DDX60L: variants seen among roughly 807,000 people sequenced by gnomAD.
The protein encoded by DDX60L is DExD/H-box 60 like.
A neutral mutation model predicts 211.6 loss-of-function variants in DDX60L; 191 were observed. That is an observed-to-expected ratio of 0.90 (90% CI 0.80 to 1.02). The LOEUF (loss-of-function observed/expected upper bound fraction) is 1.02. Among genes scored for constraint, DDX60L ranks in the 50% least tolerant of loss-of-function variants. The pLI, the probability that DDX60L is intolerant of heterozygous loss-of-function variation, is 0.00. For synonymous variants in DDX60L, 706 were observed against 694.1 expected (o/e 1.02, Z -0.27); for missense variants, 2,007 against 1,984.1 (o/e 1.01, Z -0.22).
At position 168,375,513 on chromosome 4, in the gene DDX60L, G is replaced by A. The variant is rs772064650; in HGVS notation, c.4497C>T (p.Ala1499=). ...LSFSQSKVIL[A]ELPEDFKAAL... ...CAGCTTTAAAATCCTCCGGGAGTTC[G>A]GCAAGGATCACCTATGGGCGAAATA... The change falls in exon 34 of 38, where the codon GCC becomes GCT. Residue 1499 remains alanine, a synonymous_variant. Transcript: ENST00000682922. 55 of 1,608,618 alleles carry A rather than the reference G, an allele frequency of 3.4e-5. No individual in the cohort carries two copies. Among genetic ancestry groups the A allele is most frequent in the South Asian group, 2.5e-4 (22 of 89,758 alleles).
intron 8 of DDX60L, 108 bp downstream of exon 8, chr4:168,453,011 CTTGAT>C: frequency 1.8e-6 from 2 of 1,125,216 alleles, no homozygotes; most frequent in Non-Finnish European, 2.4e-6. Flanking sequence ...AAAATAGGAA[CTTGAT>C]TTATCAGCTA....
At chr4:168,423,884 AT>A in intron 14 of DDX60L, 110 bp from the exon 15 acceptor site, 1 of 639,556 alleles carries the variant, frequency 1.6e-6, no homozygotes, top group Non-Finnish European at 2.5e-6. Context: ...AAACCTCACT[AT>A]TTTACTTGAC....
rs1343956015 is a variant in DDX60L, at chr4:168,373,291, C to G, written c.4776+375G>C. Among the ~76,000 whole-genome samples the G allele has an allele frequency of 2.0e-5, 3 of 152,052 alleles. No homozygotes were observed. The South Asian group carries it at 6.2e-4, about 32-fold the overall frequency. The stretch of plus-strand genomic sequence containing the variant: ...AGAGGTTCTAATGCTTTGTGGCCCC[C>G]TTTGTAGACCACTGTCCCCAAAGAT... On this transcript the variant is annotated intron_variant, in intron 35 of 37. Coordinates refer to ENST00000682922, the MANE Select transcript of DDX60L (RefSeq NM_001012967.3).
At position 168,462,000 on chromosome 4, in the gene DDX60L, G is replaced by A; in HGVS notation, c.305C>T (p.Ser102Leu). 1 of 1,610,798 alleles carries A rather than the reference G, an allele frequency of 6.2e-7. No homozygotes were observed. The highest frequency in any genetic ancestry group is 8.5e-7 in the Non-Finnish European group (1 of 1,177,926). The stretch of plus-strand genomic sequence containing the variant: ...GTGGAGAATTAAAGCGGTCCTCAAT[G>A]AAAGAAGTTCAGGAAAATCAAAATA... ...YAYFDFPELL[S>L]LRTALILHLQ... is the part of the protein sequence containing the mutation. The change falls in exon 5 of 38, where the codon TCA becomes TTA. Residue 102 changes from serine (S) to leucine (L), a missense_variant. Ser to Leu is a moderately radical substitution (Grantham distance 145). Transcript: ENST00000682922.
At chr4:168,416,906 A>AAT in intron 19 of DDX60L, 109 bp from the exon 20 acceptor site, 1 of 556,754 alleles carries the variant, frequency 1.8e-6, no homozygotes, top group African/African-American at 1.9e-5. Context: ...AAATGACCTA[A>AAT]CCTAAATAAA....
At chr4:168,464,842 G>A (rs944920711) in intron 4 of DDX60L, among the ~76,000 whole-genome samples, 1 of 152,000 alleles carries the variant, frequency 6.6e-6, no homozygotes, top group Non-Finnish European at 1.5e-5. Flanking sequence ...GTTTTTTATA[G>A]CCAAATAGTA....
rs1406851890 is a variant in DDX60L at position 168,357,074 on chromosome 4, G to A, written c.*1073C>T. On this transcript the variant is annotated 3_prime_UTR_variant, in exon 38 of 38. Transcript: ENST00000682922. The stretch of plus-strand genomic sequence containing the variant: ...TTCCCTTATGTTTGTTTGTATGCTT[G>A]TTTTTTAAGTATGATACTGAGGGCA... The A allele has an allele frequency of 4.6e-5, 7 of 152,024 alleles. No homozygotes were observed. The highest frequency in any genetic ancestry group is 1.5e-5 in the Non-Finnish European group (1 of 67,974). 9.4% of individuals were successfully genotyped at this position (152,024 alleles called of 1,614,324 possible). A position where few individuals can be genotyped will look rare whatever the true frequency, so the allele number is the denominator to read the frequency against.
chr4:168,400,528 C>G (rs1305638074), intron 26 of DDX60L, among the ~76,000 whole-genome samples: 3 of 152,142 alleles, frequency 2.0e-5, no homozygotes, highest in South Asian at 4.1e-4. Flanking sequence ...CAGGTTGTGG[C>G]CTAGGGCATG....
At chr4:168,378,638 TA>T (rs1020549909) in intron 32 of DDX60L, among the ~76,000 whole-genome samples, 163 bp from the exon 33 acceptor site, 50 of 152,308 alleles carry the variant, frequency 3.3e-4, no homozygotes, top group African/African-American at 1.2e-3. Context: ...TGTGCACATT[TA>T]TTTTTTTGGG....
At chr4:168,446,652 A>C (rs896862582) in intron 9 of DDX60L, among the ~76,000 whole-genome samples, 4 of 151,700 alleles carry the variant, frequency 2.6e-5, no homozygotes, top group African/African-American at 9.7e-5. Flanking sequence ...TACAGGAACC[A>C]AAACAGCATG....
chr4:168,411,401 C>T (rs1035767551), intron 22 of DDX60L, among the ~76,000 whole-genome samples: 1 of 152,164 alleles, frequency 6.6e-6, no homozygotes, highest in East Asian at 1.9e-4. Context: ...CAGAGAGAGT[C>T]TGTGCACTTG....
At chr4:168,477,257 T>C (rs931817887) in intron 1 of DDX60L, among the ~76,000 whole-genome samples, 5 of 151,792 alleles carry the variant, frequency 3.3e-5, no homozygotes, top group African/African-American at 7.3e-5. Context: ...CTACTAAAAA[T>C]ACAAAAAATT....
rs1203572913 is a variant in DDX60L at position 168,400,825 on chromosome 4, C to G, written c.3491+1G>C. The G allele has an allele frequency of 6.2e-7, 1 of 1,608,268 alleles. No individual in the cohort carries two copies. Among genetic ancestry groups the G allele is most frequent in the Admixed American group, 1.7e-5 (1 of 58,996 alleles). On this transcript the variant is annotated splice_donor_variant, in intron 26 of 37. Transcript: ENST00000682922. LOFTEE classifies it high-confidence loss of function. ...TTGTTTAAGTAAACATTAATACTTACATCCTTTTCTGTGTCTTCCTCACTT... is the reference window on the plus strand; with the variant it reads ...TTGTTTAAGTAAACATTAATACTTAGATCCTTTTCTGTGTCTTCCTCACTT...
At position 168,394,546 on chromosome 4, in the gene DDX60L, C is replaced by G; in HGVS notation, c.3729G>C (p.Arg1243Ser). 3 of 1,613,648 alleles carry G rather than the reference C, an allele frequency of 1.9e-6. No homozygotes were observed. The highest frequency in any genetic ancestry group is 2.5e-6 in the Non-Finnish European group (3 of 1,179,656). The change falls in exon 28 of 38, where the codon AGG becomes AGC. Residue 1243 changes from arginine (R) to serine (S), a missense_variant. Coordinates refer to ENST00000682922, the MANE Select transcript of DDX60L (RefSeq NM_001012967.3). ...TGCTGCTGTGATGATATCCAATCCC[C>G]CTTTGTGCTAAAGCCTTCAGTTCTT... The part of the protein sequence containing the change: ...HGKELKALAQ[R>S]GIGYHHSSMY...
intron 24 of DDX60L, among the ~76,000 whole-genome samples, chr4:168,405,182 T>C (rs774183716): frequency 2.0e-5 from 3 of 152,116 alleles, no homozygotes; most frequent in Non-Finnish European, 4.4e-5. Flanking sequence ...CTAATTTTTG[T>C]ATTTTTTTAG....
chr4:168,462,084 C>T, intron 4 of DDX60L, 44 bp from the exon 5 acceptor site: 1 of 1,382,128 alleles, frequency 7.2e-7, no homozygotes. Context: ...TCAAATCTTC[C>T]TTTACTTATT....
Position 168,427,057 on chromosome 4 carries a change from T to C in DDX60L, c.1930+13A>G, listed in dbSNP as rs1579570693. The C allele has an allele frequency of 6.3e-7, 1 of 1,594,000 alleles. No homozygotes were observed. Among genetic ancestry groups the C allele is most frequent in the South Asian group, 1.1e-5 (1 of 88,100 alleles). ...ATCACTACTCTTTATCCATAGAGTA[T>C]GGAGTCCCATACCTTCACCTCGGCA... On this transcript the variant is annotated intron_variant, in intron 14 of 37. Transcript: ENST00000682922.
At chr4:168,436,683 G>A (rs752902275) in intron 10 of DDX60L, among the ~76,000 whole-genome samples, 5 of 152,150 alleles carry the variant, frequency 3.3e-5, no homozygotes, top group South Asian at 2.1e-4. Flanking sequence ...GATAGAAAAC[G>A]AATGACTCCA....
At chr4:168,406,104 T>C (rs1429719777) in intron 23 of DDX60L, 26 bp from the exon 24 acceptor site, 1 of 1,582,652 alleles carries the variant, frequency 6.3e-7, no homozygotes, top group East Asian at 2.3e-5. Context: ...ATCACAAAAT[T>C]AAGCTAAGCT....
Sources: allele counts gnomAD v4.1 joint callset (sites outside exome capture counted in the v4.1 genomes callset), GRCh38; gene constraint gnomAD v4.1.1; transcripts MANE v1.5; gene names NCBI Gene and HGNC (gene_info 2026-07-23, HGNC 2026-07-21).